The following SCHIP1 variants were observed in gnomAD, a reference collection of about 807,000 sequenced individuals.
The protein encoded by SCHIP1 is schwannomin interacting protein 1.
Under a neutral mutation model 29.7 loss-of-function variants are expected in SCHIP1, and 8 were observed. The ratio of observed to expected loss-of-function variants is 0.27; its 90% confidence interval spans 0.16 to 0.49. SCHIP1 has a LOEUF of 0.49. Among genes scored for constraint, SCHIP1 ranks in the 20% least tolerant of loss-of-function variants. The pLI, the probability that SCHIP1 is intolerant of heterozygous loss-of-function variation, is 0.99. For missense variants in SCHIP1, 193 were observed against 294.6 expected (o/e 0.66, Z 2.52); for synonymous variants, 76 against 94.9 (o/e 0.80, Z 1.16).
the SCHIP1 span, among the ~76,000 whole-genome samples, chr3:159,426,949 A>G: frequency 2.0e-5 from 3 of 152,256 alleles, no homozygotes; most frequent in African/African-American, 7.2e-5. Flanking sequence ...GATTATCTCA[A>G]TAGATTCAGA....
chr3:159,849,032 A>G (rs963492448), intron 1 of SCHIP1, among the ~76,000 whole-genome samples: 2 of 147,934 alleles, frequency 1.4e-5, no homozygotes, highest in African/African-American at 4.9e-5. Flanking sequence ...TTGTCTCTGT[A>G]TAGTGCTTAT....
chr3:159,469,898 T>C, the SCHIP1 span, among the ~76,000 whole-genome samples: 91 of 152,290 alleles, frequency 6.0e-4, no homozygotes, highest in African/African-American at 2.1e-3. Context: ...AATGTTAAAA[T>C]GTTAAATACT....
chr3:159,363,835 C>T, the SCHIP1 span, among the ~76,000 whole-genome samples: 1 of 152,068 alleles, frequency 6.6e-6, no homozygotes. Flanking sequence ...TAAAAGGATA[C>T]TTTTTGATAA....
At chr3:159,617,881 G>C in the SCHIP1 span, among the ~76,000 whole-genome samples, 2 of 152,162 alleles carry the variant, frequency 1.3e-5, no homozygotes, top group Non-Finnish European at 2.9e-5. Flanking sequence ...GGGGAAACTT[G>C]ACCTTCATCC....
the SCHIP1 span, among the ~76,000 whole-genome samples, chr3:159,744,732 C>T: frequency 1.1e-3 from 167 of 152,298 alleles, no homozygotes; most frequent in African/African-American, 3.8e-3. Flanking sequence ...AATCCCAGCA[C>T]TTTGGGAGGC....
the SCHIP1 span, among the ~76,000 whole-genome samples, chr3:159,344,341 A>G: frequency 6.7e-6 from 1 of 149,324 alleles, no homozygotes; most frequent in African/African-American, 2.4e-5. Flanking sequence ...AAAAAAAATT[A>G]AGTTGTATCT....
chr3:159,399,840 C>A, the SCHIP1 span, among the ~76,000 whole-genome samples: 4 of 152,176 alleles, frequency 2.6e-5, no homozygotes, highest in South Asian at 8.3e-4. Flanking sequence ...CCATGCCCAA[C>A]TAATTTTTTA....
chr3:159,680,670 T>TG, the SCHIP1 span, among the ~76,000 whole-genome samples: 1 of 8,198 alleles, frequency 1.2e-4, no homozygotes, highest in Non-Finnish European at 2.5e-4. Flanking sequence ...AAAATATATA[T>TG]TATATATATA....
At chr3:159,687,563 T>C in the SCHIP1 span, among the ~76,000 whole-genome samples, 2 of 152,132 alleles carry the variant, frequency 1.3e-5, no homozygotes, top group Non-Finnish European at 2.9e-5. Context: ...AACTTTGCTG[T>C]CAGAGTTGAA....
At chr3:159,297,785 A>G in the SCHIP1 span, among the ~76,000 whole-genome samples, 1 of 152,062 alleles carries the variant, frequency 6.6e-6, no homozygotes, top group Admixed American at 6.6e-5. Flanking sequence ...ACCTAGAATG[A>G]TCTTCCCCCT....
chr3:159,295,184 G>A, the SCHIP1 span, among the ~76,000 whole-genome samples: 1 of 149,278 alleles, frequency 6.7e-6, no homozygotes, highest in Admixed American at 6.7e-5. Context: ...TTGGGAGGCT[G>A]AGGTGGACAG....
the SCHIP1 span, among the ~76,000 whole-genome samples, chr3:159,680,706 T>TATATATGTATATATATATAC: frequency 8.1e-5 from 1 of 12,422 alleles, no homozygotes; most frequent in African/African-American, 2.6e-4. Context: ...TAATATATAT[T>TATATATGTATATATATATAC]ATATATAATA....
chr3:159,748,048 C>T, the SCHIP1 span, among the ~76,000 whole-genome samples: 1 of 152,014 alleles, frequency 6.6e-6, no homozygotes, highest in Non-Finnish European at 1.5e-5. Flanking sequence ...TTTATTTGTT[C>T]CATTTTTTGT....
the SCHIP1 span, among the ~76,000 whole-genome samples, chr3:159,411,044 G>T: frequency 6.6e-6 from 1 of 151,976 alleles, no homozygotes; most frequent in Non-Finnish European, 1.5e-5. Flanking sequence ...AACTTTGCGT[G>T]TTCTCACTTA....
the SCHIP1 span, among the ~76,000 whole-genome samples, chr3:159,277,525 C>T: frequency 6.6e-6 from 1 of 150,760 alleles, no homozygotes; most frequent in Non-Finnish European, 1.5e-5. Context: ...GAGCTAGAAA[C>T]CAATTTACTG....
At chr3:159,458,351 A>G in the SCHIP1 span, among the ~76,000 whole-genome samples, 2 of 152,170 alleles carry the variant, frequency 1.3e-5, no homozygotes, top group Admixed American at 1.3e-4. Context: ...CACTCCCTGG[A>G]GGATGTGTTT....
the SCHIP1 span, among the ~76,000 whole-genome samples, chr3:159,515,990 T>C: frequency 5.4e-5 from 8 of 147,928 alleles, no homozygotes; most frequent in Non-Finnish European, 1.0e-4. Flanking sequence ...AGATAAAGAA[T>C]TGGGGGGGAA....
At chr3:159,623,797 C>CCTG in the SCHIP1 span, among the ~76,000 whole-genome samples, 1 of 151,786 alleles carries the variant, frequency 6.6e-6, no homozygotes, top group African/African-American at 2.4e-5. Flanking sequence ...CCCATAAAAC[C>CCTG]CTAGGATCAC....
the SCHIP1 span, among the ~76,000 whole-genome samples, chr3:159,614,974 T>C: frequency 1.3e-5 from 2 of 152,134 alleles, no homozygotes; most frequent in Admixed American, 1.3e-4. Context: ...GAATTAAAAA[T>C]GCACAGGTGC....
Sources: allele counts gnomAD v4.1 joint callset (sites outside exome capture counted in the v4.1 genomes callset), GRCh38; gene constraint gnomAD v4.1.1; transcripts MANE v1.5; gene names NCBI Gene and HGNC (gene_info 2026-07-23, HGNC 2026-07-21).